The following KIF27 variants were observed in gnomAD, a reference collection of about 807,000 sequenced individuals.
KIF27 encodes the protein kinesin family member 27.
A neutral mutation model predicts 141.8 loss-of-function variants in KIF27; 84 were observed. That is an observed-to-expected ratio of 0.59 (90% confidence interval 0.50 to 0.71). The LOEUF (loss-of-function observed/expected upper bound fraction) is 0.71, where lower values mean the gene tolerates loss of function less well. Ranked by LOEUF, KIF27 falls within the 30% of genes least tolerant of loss-of-function variation. The pLI is 0.00. For missense variants in KIF27, 1,306 were observed against 1,628.4 expected, an observed-to-expected ratio of 0.80 and a Z score of 3.41; for synonymous variants, 471 against 569.5, an observed-to-expected ratio of 0.83 and a Z score of 2.46.
At chr9:83,839,598 A>G (rs1224329814) in intron 17 of KIF27, among the ~76,000 whole-genome samples, 1 of 152,230 alleles carries the variant, frequency 6.6e-6, no homozygotes, top group Non-Finnish European at 1.5e-5. Flanking sequence ...ATTTTTCTGC[A>G]ATTTGAAAAT....
At chr9:83,856,265 A>C (rs1253058639) in intron 14 of KIF27, among the ~76,000 whole-genome samples, 1 of 152,088 alleles carries the variant, frequency 6.6e-6, no homozygotes, top group Non-Finnish European at 1.5e-5. Context: ...TGAAACAAAA[A>C]ACTAACAACA....
intron 6 of KIF27, 79 bp downstream of exon 6, chr9:83,891,216 T>G (rs1219809528): frequency 8.9e-7 from 1 of 1,120,070 alleles, no homozygotes; most frequent in African/African-American, 1.6e-5. Context: ...CTGCTGAGAC[T>G]GTATAAATAC....
At chr9:83,855,601 G>C (rs1295443564) in intron 14 of KIF27, among the ~76,000 whole-genome samples, 1 of 152,108 alleles carries the variant, frequency 6.6e-6, no homozygotes, top group Non-Finnish European at 1.5e-5. Context: ...GTGACTTTAA[G>C]AGAAACAATA....
chr9:83,882,510 C>T (rs148937620), intron 10 of KIF27, among the ~76,000 whole-genome samples: 2,400 of 152,250 alleles, frequency 0.016, 79 homozygotes, highest in African/African-American at 0.056. Flanking sequence ...TTAAATAATG[C>T]GTATAAACCA....
chr9:83,847,148 G>A (rs1273399727), intron 16 of KIF27, among the ~76,000 whole-genome samples: 1 of 152,174 alleles, frequency 6.6e-6, no homozygotes. Flanking sequence ...ACAACCTGCT[G>A]AGCTGCTTGC....
chr9:83,898,168 C>T (rs1227980811), intron 5 of KIF27, among the ~76,000 whole-genome samples: 1 of 151,790 alleles, frequency 6.6e-6, no homozygotes, highest in African/African-American at 2.4e-5. Context: ...CAGAAAGCCA[C>T]AAATGTCCAT....
rs1158106210 is a variant in KIF27 at position 83,835,161 on chromosome 9, AAG to A, written c.*1838_*1839del. ...TTTCCTTATATACTTGTATATGTAC[AAG>A]TGTATATACATATATATATATGAAA... On this transcript the variant is annotated 3_prime_UTR_variant, in exon 18 of 18. Transcript: ENST00000297814. 6.7e-6 allele frequency among the ~76,000 whole-genome samples: 1 copy of A among 149,758 alleles called. No homozygotes were observed. Among genetic ancestry groups the A allele is most frequent in the Admixed American group, 6.7e-5 (1 of 14,982 alleles).
Position 83,835,381 on chromosome 9 carries a change from T to C in KIF27, c.*1620A>G, listed in dbSNP as rs550192418. The stretch of plus-strand genomic sequence containing the variant: ...AAAATTTCCCAGTTAAGTTTGTAAA[T>C]TAGTTTTTTGAAATTTAGAAAATAG... On this transcript the variant is annotated 3_prime_UTR_variant, in exon 18 of 18. Coordinates refer to ENST00000297814, the MANE Select transcript of KIF27 (RefSeq NM_017576.4). Among the ~76,000 whole-genome samples, 3 of 152,126 alleles carry C rather than the reference T, an allele frequency of 2.0e-5. No individual in the cohort carries two copies. The highest frequency in any genetic ancestry group is 7.2e-5 in the African/African-American group (3 of 41,552).
intron 3 of KIF27, among the ~76,000 whole-genome samples, chr9:83,905,091 C>T (rs756993880): frequency 7.2e-5 from 11 of 151,840 alleles, no homozygotes; most frequent in Admixed American, 6.6e-4. Flanking sequence ...ATTTACTACC[C>T]GCATTATTTG....
At chr9:83,910,054 AATAC>A (rs10616573) in intron 2 of KIF27, among the ~76,000 whole-genome samples, 96,523 of 148,220 alleles carry the variant, frequency 0.65, 31,901 homozygotes, top group African/African-American at 0.75. Context: ...CCTTTCTCTA[AATAC>A]ATACATACAT....
Position 83,846,956 on chromosome 9 carries a change from A to G in KIF27, c.3556+3143T>C, listed in dbSNP as rs921793722. ...CAAGATGAAATCAGTCTACTACTTC[A>G]TAACAGAGGTAAGGAAGAGTATGCA... On this transcript the variant is annotated intron_variant, in intron 16 of 17. Coordinates refer to ENST00000297814, the MANE Select transcript of KIF27 (RefSeq NM_017576.4). Among the ~76,000 whole-genome samples the G allele has an allele frequency of 1.4e-4, 21 of 152,328 alleles. 1 individual carries two copies. The highest frequency in any genetic ancestry group is 1.2e-3 in the Admixed American group (18 of 15,296).
At position 83,915,510 on chromosome 9, in the gene KIF27, C is replaced by T. The variant is rs1375126193; in HGVS notation, c.82G>A (p.Val28Met). The T allele has an allele frequency of 6.2e-7, 1 of 1,613,880 alleles. No homozygotes were observed. Among genetic ancestry groups the T allele is most frequent in the South Asian group, 1.1e-5 (1 of 91,074 alleles). ...KEALHNHQVCVRVIPNSQQVI... is the reference protein window; with the variant it reads ...KEALHNHQVCMRVIPNSQQVI... ...TGCTGGCTGTTTGGAATAACTCTCA[C>T]ACAAACTTGATGATTATGAAGAGCT... Residue 28 changes from valine to methionine, a missense_variant, in exon 2 of 18, where the codon GTG (valine) becomes ATG (methionine). Around this residue, in one of 4 missense-constraint regions of KIF27, gnomAD observed 533 missense variants for 565.6 expected, o/e 0.94. Coordinates refer to ENST00000297814, the MANE Select transcript of KIF27 (RefSeq NM_017576.4).
At chr9:83,847,444 G>A (rs3119921) in intron 16 of KIF27, 48,820 of 151,938 alleles carry the variant, frequency 0.32, 8,661 homozygotes, top group African/African-American at 0.48. Context: ...ATTTCCGGTT[G>A]TATGAAGGAT....
intron 5 of KIF27, among the ~76,000 whole-genome samples, chr9:83,892,218 T>C (rs1329882708): frequency 1.3e-5 from 2 of 152,202 alleles, no homozygotes; most frequent in African/African-American, 2.4e-5. Flanking sequence ...ATACTTCACA[T>C]GTACTACAAT....
At chr9:83,867,480 C>T (rs1007913767) in intron 13 of KIF27, among the ~76,000 whole-genome samples, 11 of 122,312 alleles carry the variant, frequency 9.0e-5, no homozygotes, top group Admixed American at 6.6e-4. Context: ...ACATAGTATC[C>T]GTAAGTTTAG....
chr9:83,911,754 G>T (rs1230765175), intron 2 of KIF27, among the ~76,000 whole-genome samples: 1 of 152,100 alleles, frequency 6.6e-6, no homozygotes, highest in Non-Finnish European at 1.5e-5. Flanking sequence ...ATGTTGCCCA[G>T]GCTGATCTCA....
At chr9:83,878,567 G>C (rs1219148925) in intron 11 of KIF27, among the ~76,000 whole-genome samples, 2 of 145,472 alleles carry the variant, frequency 1.4e-5, no homozygotes, top group Non-Finnish European at 3.1e-5. Context: ...ATATTACTTG[G>C]CAATAAAAGG....
intron 11 of KIF27, among the ~76,000 whole-genome samples, chr9:83,875,205 G>A (rs989484602): frequency 2.0e-5 from 3 of 152,168 alleles, no homozygotes; most frequent in Non-Finnish European, 4.4e-5. Context: ...GTTGGCAGAA[G>A]AAATGAAAAT....
At chr9:83,872,312 T>C (rs1159096648) in intron 11 of KIF27, among the ~76,000 whole-genome samples, 1 of 152,088 alleles carries the variant, frequency 6.6e-6, no homozygotes, top group Non-Finnish European at 1.5e-5. Flanking sequence ...AGACTCCGTC[T>C]CAAAACAAAA....
Sources: allele counts gnomAD v4.1 joint callset (sites outside exome capture counted in the v4.1 genomes callset), GRCh38; gene constraint gnomAD v4.1.1; regional missense constraint gnomAD v4.1.1; transcripts MANE v1.5; gene names NCBI Gene and HGNC (gene_info 2026-07-23, HGNC 2026-07-21).